Variants in LEMD3 observed in about 807,000 individuals in gnomAD.
LEMD3 encodes the protein LEM domain containing 3, also known as inner nuclear membrane protein Man1.
A neutral mutation model predicts 95.2 loss-of-function variants in LEMD3; 33 were observed. That is an observed-to-expected ratio of 0.35 (90% CI 0.26 to 0.46). The LOEUF (loss-of-function observed/expected upper bound fraction) is 0.46, where lower values mean the gene tolerates loss of function less well. Among genes scored for constraint, LEMD3 ranks in the 20% least tolerant of loss-of-function variants. The pLI, the probability that LEMD3 is intolerant of heterozygous loss-of-function variation, is 1.00. For missense variants in LEMD3, 1,210 were observed against 1,192.8 expected (o/e 1.01, Z -0.21); for synonymous variants, 525 against 474.6 (o/e 1.11, Z -1.38).
intron 3 of LEMD3, among the ~76,000 whole-genome samples, chr12:65,217,161 T>C (rs1015859564): frequency 6.6e-6 from 1 of 152,170 alleles, no homozygotes; most frequent in African/African-American, 2.4e-5. Context: ...CAACAAGCTT[T>C]TTTTCTGTGA....
At position 65,170,338 on chromosome 12, in the gene LEMD3, C is replaced by T. The variant is rs778406683; in HGVS notation, c.742C>T (p.Arg248Trp). Residue 248 changes from arginine to tryptophan, a missense_variant, in exon 1 of 13, where the codon CGG (arginine) becomes TGG (tryptophan). By Grantham distance (101) the Arg-to-Trp change is moderately radical. This residue lies in a region of LEMD3 where 749 missense variants were observed against 622.9 expected (regional missense o/e 1.20). Coordinates refer to ENST00000308330, the MANE Select transcript of LEMD3 (RefSeq NM_014319.5). The part of the protein sequence containing the change: ...LWASRTVNGS[R>W]LVPYSCRENY... Reference sequence around the variant, plus strand: ...GGCGAGCCGGACCGTGAATGGCAGCCGGCTTGTCCCCTACAGCTGCCGGGA... The same window carrying T: ...GGCGAGCCGGACCGTGAATGGCAGCTGGCTTGTCCCCTACAGCTGCCGGGA... The T allele has an allele frequency of 1.1e-5, 17 of 1,605,828 alleles. No individual in the cohort carries two copies. In the South Asian group the frequency reaches 1.6e-4, roughly 15 times the overall value.
rs1180116120 is a variant in LEMD3, at chr12:65,170,817, T to G, written c.1221T>G (p.Ser407=). 1.2e-6 allele frequency: 2 copies of G among 1,614,212 alleles called. No individual in the cohort carries two copies. The highest frequency in any genetic ancestry group is 3.3e-5 in the Admixed American group (2 of 60,022). Residue 407 remains serine (S), a synonymous_variant, in exon 1 of 13, where the codon TCT becomes TCG. Transcript: ENST00000308330. ...AFSVDSPRIY[S]NSLPPSAAVA... ...GTGTGGACTCCCCCAGGATTTATTC[T>G]AACAGTCTCCCTCCCAGTGCGGCGG...
At chr12:65,180,997 C>T (rs1032037707) in intron 1 of LEMD3, among the ~76,000 whole-genome samples, 1 of 152,100 alleles carries the variant, frequency 6.6e-6, no homozygotes, top group African/African-American at 2.4e-5. Context: ...CAAACACACA[C>T]ACACACACAC....
chr12:65,198,809 A>G (rs145065982), intron 1 of LEMD3, among the ~76,000 whole-genome samples: 7 of 152,188 alleles, frequency 4.6e-5, no homozygotes, highest in East Asian at 1.9e-4. Context: ...ATTATTTTGT[A>G]TTGTTATATT....
intron 1 of LEMD3, among the ~76,000 whole-genome samples, chr12:65,184,416 T>C (rs1184168635): frequency 6.6e-6 from 1 of 152,198 alleles, no homozygotes; most frequent in Non-Finnish European, 1.5e-5. Context: ...TTAGCACTAA[T>C]ATACTGTTGG....
At chr12:65,212,156 A>G (rs1869958431) in intron 2 of LEMD3, among the ~76,000 whole-genome samples, 1 of 152,086 alleles carries the variant, frequency 6.6e-6, no homozygotes, top group Non-Finnish European at 1.5e-5. Context: ...TTATAAAACC[A>G]TCAGATCTCA....
chr12:65,244,282 CACA>C (rs1462135101), intron 10 of LEMD3, among the ~76,000 whole-genome samples: 135 of 137,642 alleles, frequency 9.8e-4, no homozygotes, highest in African/African-American at 3.4e-3. Flanking sequence ...CACACACACA[CACA>C]CCCCCCCCAC....
chr12:65,183,820 G>T (rs1205660200), intron 1 of LEMD3, among the ~76,000 whole-genome samples: 1 of 152,056 alleles, frequency 6.6e-6, no homozygotes, highest in East Asian at 1.9e-4. Flanking sequence ...GAGTGGAAGT[G>T]GTATCTTCTA....
At chr12:65,179,606 A>G (rs1868837941) in intron 1 of LEMD3, among the ~76,000 whole-genome samples, 1 of 152,180 alleles carries the variant, frequency 6.6e-6, no homozygotes, top group Non-Finnish European at 1.5e-5. Context: ...CTAAATTCGA[A>G]TGAAGATATA....
intron 1 of LEMD3, among the ~76,000 whole-genome samples, chr12:65,186,091 C>T (rs1351591666): frequency 6.6e-6 from 1 of 152,038 alleles, no homozygotes; most frequent in African/African-American, 2.4e-5. Flanking sequence ...TTATCTCTCT[C>T]CATGCTGCTG....
chr12:65,233,684 G>A (rs1184025836), intron 4 of LEMD3, among the ~76,000 whole-genome samples: 2 of 152,036 alleles, frequency 1.3e-5, no homozygotes, highest in Admixed American at 1.3e-4. Context: ...ATCCATATTA[G>A]GTTTTTAGTC....
At chr12:65,222,298 T>C (rs1450284151) in intron 4 of LEMD3, among the ~76,000 whole-genome samples, 1 of 152,218 alleles carries the variant, frequency 6.6e-6, no homozygotes, top group East Asian at 1.9e-4. Flanking sequence ...CTGAGGTATA[T>C]GATCCTGGTG....
rs1366779369 is a variant in LEMD3, at chr12:65,241,105, T to C, written c.2305+18T>C. Reference sequence around the variant, plus strand: ...AGGTCAAGGTATGTATTTTTAAACATCAAAAAAGTAATTTTCTTCTAATTT... The same window carrying C: ...AGGTCAAGGTATGTATTTTTAAACACCAAAAAAGTAATTTTCTTCTAATTT... On this transcript the variant is annotated intron_variant, in intron 9 of 12. Transcript: ENST00000308330. 4 of 1,602,476 alleles carry C rather than the reference T, an allele frequency of 2.5e-6. No homozygotes were observed. The highest frequency in any genetic ancestry group is 3.3e-5 in the Admixed American group (2 of 59,886).
intron 1 of LEMD3, among the ~76,000 whole-genome samples, chr12:65,187,831 T>A (rs1263028795): frequency 6.6e-6 from 1 of 152,132 alleles, no homozygotes; most frequent in Non-Finnish European, 1.5e-5. Context: ...TCAGCAGCTC[T>A]AGGGAAGGTT....
Position 65,238,475 on chromosome 12 carries a change from G to A in LEMD3, c.1696-27G>A, listed in dbSNP as rs1565798990. The stretch of plus-strand genomic sequence containing the variant: ...GAGAGTCGAATGTAGATTAAGAATA[G>A]TTATTTTTCTCTATTTTTCTTGTTA... On this transcript the variant is annotated intron_variant, in intron 4 of 12. Coordinates refer to ENST00000308330, the MANE Select transcript of LEMD3 (RefSeq NM_014319.5). The A allele has an allele frequency of 5.0e-6, 7 of 1,395,070 alleles. No individual in the cohort carries two copies. In the South Asian group the frequency reaches 7.0e-5, roughly 14 times the overall value. 86.4% of individuals were successfully genotyped at this position (1,395,070 alleles called of 1,614,324 possible).
Position 65,184,457 on chromosome 12 carries a change from G to A in LEMD3, c.1522+13339G>A, listed in dbSNP as rs571682103. On this transcript the variant is annotated intron_variant, in intron 1 of 12. Coordinates refer to ENST00000308330, the MANE Select transcript of LEMD3 (RefSeq NM_014319.5). ...GTTTAGGGAATCAGAGCATTGGATC[G>A]TGTTCTGTGGGAGTTGGAGGAGAAA... 1.2e-3 allele frequency among the ~76,000 whole-genome samples: 187 copies of A among 152,270 alleles called. 1 individual carries two copies. The highest frequency in any genetic ancestry group is 4.4e-3 in the African/African-American group (182 of 41,564).
At chr12:65,228,456 C>T (rs554268376) in intron 4 of LEMD3, among the ~76,000 whole-genome samples, 6 of 149,702 alleles carry the variant, frequency 4.0e-5, no homozygotes, top group South Asian at 4.2e-4. Flanking sequence ...AGTGCAGTGG[C>T]GAGATCTCGG....
chr12:65,223,632 G>A (rs1870359541), intron 4 of LEMD3, among the ~76,000 whole-genome samples: 1 of 151,260 alleles, frequency 6.6e-6, no homozygotes, highest in South Asian at 2.1e-4. Context: ...TTAAATCTAA[G>A]GTGTACACAT....
At chr12:65,179,652 A>G (rs1398671952) in intron 1 of LEMD3, among the ~76,000 whole-genome samples, 1 of 152,188 alleles carries the variant, frequency 6.6e-6, no homozygotes, top group East Asian at 1.9e-4. Context: ...AAAAATAGCT[A>G]ATGCATGCTG....
Sources: allele counts gnomAD v4.1 joint callset (sites outside exome capture counted in the v4.1 genomes callset), GRCh38; gene constraint gnomAD v4.1.1; regional missense constraint gnomAD v4.1.1; transcripts MANE v1.5; gene names NCBI Gene and HGNC (gene_info 2026-07-23, HGNC 2026-07-21).